TMEM45B: variants seen among roughly 807,000 people sequenced by gnomAD.
TMEM45B encodes the protein transmembrane protein 45B.
A neutral mutation model predicts 27.3 loss-of-function variants in TMEM45B; 29 were observed. The observed-to-expected ratio is 1.06, with a 90% CI of 0.79 to 1.45. The LOEUF (loss-of-function observed/expected upper bound fraction) is 1.45, where lower values mean the gene tolerates loss of function less well. Among genes scored for constraint, TMEM45B ranks in the 40% most tolerant of loss-of-function variants. The probability of loss-of-function intolerance (pLI) is 0.00; values close to 1 mark genes in which losing one functional copy is unlikely to be tolerated. For synonymous variants in TMEM45B, 143 were observed against 134.7 expected (o/e 1.06, Z -0.43); for missense variants, 348 against 343.9 (o/e 1.01, Z -0.09).
At chr11:129,816,807 G>A (rs568514469) in intron 1 of TMEM45B, among the ~76,000 whole-genome samples, 2 of 127,822 alleles carry the variant, frequency 1.6e-5, no homozygotes, top group African/African-American at 5.9e-5. Flanking sequence ...GCGCAATCTC[G>A]GATCACTGCA....
intron 2 of TMEM45B, chr11:129,853,025 T>G (rs1177579771): frequency 6.0e-6 from 1 of 165,808 alleles, no homozygotes. Context: ...AAAATCACCT[T>G]TTTTCCTCAA....
At chr11:129,854,956 A>C in intron 3 of TMEM45B, 140 bp downstream of exon 3, 4 of 942,662 alleles carry the variant, frequency 4.2e-6, no homozygotes, top group Non-Finnish European at 1.6e-6. Flanking sequence ...CCAAAACCTG[A>C]ATAGGACCTA....
chr11:129,828,510 A>G (rs1280275244), intron 1 of TMEM45B, among the ~76,000 whole-genome samples: 1 of 152,178 alleles, frequency 6.6e-6, no homozygotes, highest in Non-Finnish European at 1.5e-5. Flanking sequence ...CCACAGTCAC[A>G]CCACCTGTAA....
chr11:129,819,778 ACT>A (rs2135548885), intron 1 of TMEM45B, among the ~76,000 whole-genome samples: 1 of 149,532 alleles, frequency 6.7e-6, no homozygotes, highest in East Asian at 2.0e-4. Context: ...CTGGTCTTGA[ACT>A]CCTGACCCTG....
In TMEM45B at chr11:129,852,517, G is replaced by C. The variant is rs2135599550; in HGVS notation, c.35G>C (p.Ser12Thr). 6.2e-7 allele frequency: 1 copy of C among 1,609,706 alleles called. No homozygotes were observed. The highest frequency in any genetic ancestry group is 8.5e-7 in the Non-Finnish European group (1 of 1,176,390). ...TTCAAGGGCCACGCGCTTCCAGGGA[G>C]TTTCTTCCTGATCATTGGGCTGTGT... ...ANFKGHALPG[S>T]FFLIIGLCWS... The change falls in exon 2 of 6, where the codon AGT (serine) becomes ACT (threonine). Residue 12 changes from serine to threonine, a missense_variant. Physicochemically the swap from Ser to Thr is moderately conservative, Grantham distance 58 (BLOSUM62 1). Transcript: ENST00000281441.
Position 129,826,565 on chromosome 11 carries a change from A to AG in TMEM45B, c.-9+10667_-9+10668insG, listed in dbSNP as rs1947484696. On this transcript the variant is annotated intron_variant, in intron 1 of 5. Transcript: ENST00000281441. ...CTCTGTCACAAAAAAAAAAAAAAAA[A>AG]AAAGGACCCTGAGAGGCTATGTGTC... Among the ~76,000 whole-genome samples, 5 of 137,474 alleles carry AG rather than the reference A, an allele frequency of 3.6e-5. 1 individual carries two copies. Among genetic ancestry groups the AG allele is most frequent in the Admixed American group, 7.6e-5 (1 of 13,164 alleles). The allele number at this position is 137,474 out of a possible 152,430, so 90.2% of individuals were successfully genotyped here. A position where few individuals can be genotyped will look rare whatever the true frequency, so the allele number is the denominator to read the frequency against.
At chr11:129,847,687 A>G (rs4937467) in intron 1 of TMEM45B, among the ~76,000 whole-genome samples, 88,137 of 151,506 alleles carry the variant, frequency 0.58, 28,617 homozygotes, top group East Asian at 0.88. Context: ...CATGTTTCAG[A>G]GAGCACAGGG....
intron 1 of TMEM45B, among the ~76,000 whole-genome samples, chr11:129,845,032 A>AATAT (rs371120021): frequency 6.6e-6 from 1 of 152,174 alleles, no homozygotes; most frequent in Non-Finnish European, 1.5e-5. Context: ...AATATCAAAG[A>AATAT]ATATATATAT....
chr11:129,837,981 C>A (rs1188577445), intron 1 of TMEM45B, among the ~76,000 whole-genome samples: 1 of 151,642 alleles, frequency 6.6e-6, no homozygotes, highest in East Asian at 2.0e-4. Context: ...GGGATTTCAC[C>A]ATGTTGGCCA....
chr11:129,816,929 G>A (rs1179846673), intron 1 of TMEM45B, among the ~76,000 whole-genome samples: 2 of 145,396 alleles, frequency 1.4e-5, no homozygotes, highest in African/African-American at 5.1e-5. Context: ...TTTTTTTTTG[G>A]TAGAGACGGG....
chr11:129,819,507 AGTCTT>A (rs1370897610), intron 1 of TMEM45B, among the ~76,000 whole-genome samples: 2 of 151,314 alleles, frequency 1.3e-5, no homozygotes, highest in Non-Finnish European at 2.9e-5. Flanking sequence ...GCTCCAGAAG[AGTCTT>A]GTCTTGTCTT....
chr11:129,820,188 G>A (rs1257325599), intron 1 of TMEM45B, among the ~76,000 whole-genome samples: 8 of 151,966 alleles, frequency 5.3e-5, no homozygotes, highest in Admixed American at 2.0e-4. Flanking sequence ...GCTAGCAGGC[G>A]CCTATAGTCC....
chr11:129,841,365 A>C (rs912613998), intron 1 of TMEM45B, among the ~76,000 whole-genome samples: 2 of 152,172 alleles, frequency 1.3e-5, no homozygotes, highest in African/African-American at 4.8e-5. Flanking sequence ...CAGCAGGCCA[A>C]CCAGGAATTT....
Position 129,858,692 on chromosome 11 carries a change from A to T in TMEM45B, c.*7A>T, listed in dbSNP as rs879448237. 4 of 1,549,188 alleles carry T rather than the reference A, an allele frequency of 2.6e-6. No homozygotes were observed. Among genetic ancestry groups the T allele is most frequent in the Non-Finnish European group, 3.5e-6 (4 of 1,143,322 alleles). Reference sequence around the variant, plus strand: ...TGGCTCAGATGAGGAATGAGCCGAGATGCGGAGGGCGCAGATGTCCCACTG... The same window carrying T: ...TGGCTCAGATGAGGAATGAGCCGAGTTGCGGAGGGCGCAGATGTCCCACTG... On this transcript the variant is annotated 3_prime_UTR_variant, in exon 6 of 6. Transcript: ENST00000281441.
In TMEM45B at chr11:129,854,753, C is replaced by G; in HGVS notation, c.322C>G (p.Leu108Val). 6.2e-7 allele frequency: 1 copy of G among 1,614,230 alleles called. No individual in the cohort carries two copies. Among genetic ancestry groups the G allele is most frequent in the Non-Finnish European group, 8.5e-7 (1 of 1,180,028 alleles). ...VSGIVDMLTY[L>V]VSHVPLGVDR... Reference sequence around the variant, plus strand: ...AGGAATTGTTGACATGCTCACCTATCTGGTCAGCCACGTTCCCTTGGGGGT... The same window carrying G: ...AGGAATTGTTGACATGCTCACCTATGTGGTCAGCCACGTTCCCTTGGGGGT... The change falls in exon 3 of 6, where the codon CTG becomes GTG. Residue 108 changes from leucine (L) to valine (V), a missense_variant. Leu to Val is a conservative substitution (Grantham distance 32, BLOSUM62 1). Transcript: ENST00000281441.
intron 2 of TMEM45B, 32 bp downstream of exon 2, chr11:129,852,692 C>T (rs759241345): frequency 2.5e-6 from 4 of 1,574,736 alleles, no homozygotes; most frequent in Non-Finnish European, 3.5e-6. Flanking sequence ...TCTAGGGAAT[C>T]TCCTCATCAT....
intron 5 of TMEM45B, among the ~76,000 whole-genome samples, chr11:129,858,277 C>T (rs780803300): frequency 2.0e-5 from 3 of 152,162 alleles, no homozygotes; most frequent in African/African-American, 7.2e-5. Context: ...GAGTTCCACA[C>T]GGACCAAAGA....
At chr11:129,841,291 T>A (rs1196688115) in intron 1 of TMEM45B, among the ~76,000 whole-genome samples, 2 of 152,114 alleles carry the variant, frequency 1.3e-5, no homozygotes, top group East Asian at 3.9e-4. Flanking sequence ...AATGAACACT[T>A]GGAAATGAGC....
chr11:129,825,115 C>T (rs1947462637), intron 1 of TMEM45B, among the ~76,000 whole-genome samples: 1 of 152,024 alleles, frequency 6.6e-6, no homozygotes, highest in Non-Finnish European at 1.5e-5. Context: ...GGATGACTGG[C>T]TGCGGGGTGG....
Sources: allele counts gnomAD v4.1 joint callset (sites outside exome capture counted in the v4.1 genomes callset), GRCh38; gene constraint gnomAD v4.1.1; transcripts MANE v1.5; gene names NCBI Gene and HGNC (gene_info 2026-07-23, HGNC 2026-07-21).